The following OTUD7B variants were observed in gnomAD, a reference collection of about 807,000 sequenced individuals.
OTUD7B encodes OTU deubiquitinase 7B.
Under a neutral mutation model 82.2 loss-of-function variants are expected in OTUD7B, and 34 were observed. The ratio of observed to expected loss-of-function variants is 0.41; its 90% CI spans 0.31 to 0.55. The LOEUF (loss-of-function observed/expected upper bound fraction) is 0.55, where lower values mean the gene tolerates loss of function less well. OTUD7B is among the 20% of genes least tolerant of loss of function. OTUD7B has a pLI of 0.20. For missense variants in OTUD7B, 944 were observed against 1,062.1 expected, an observed-to-expected ratio of 0.89 and a Z score of 1.55; for synonymous variants, 398 against 402.7, an observed-to-expected ratio of 0.99 and a Z score of 0.14.
chr1:150,017,327 T>C, the OTUD7B span, among the ~76,000 whole-genome samples: 1 of 152,038 alleles, frequency 6.6e-6, no homozygotes, highest in Non-Finnish European at 1.5e-5. Context: ...GAGAGCTGGG[T>C]TAAGAGATTA....
chr1:150,015,322 C>G (rs1653235289), upstream of OTUD7B, among the ~76,000 whole-genome samples: 1 of 115,430 alleles, frequency 8.7e-6, no homozygotes, highest in South Asian at 2.7e-4. Flanking sequence ...GAGATGGAGT[C>G]TGGCTCTGTC....
At chr1:149,951,000 GT>G (rs1301491296) in intron 7 of OTUD7B, among the ~76,000 whole-genome samples, 2,828 of 70,370 alleles carry the variant, frequency 0.04, 1,146 homozygotes, top group African/African-American at 0.14. Flanking sequence ...TTTTTTTTTT[GT>G]AGATGGAGTC....
chr1:150,057,726 C>G, the OTUD7B span, among the ~76,000 whole-genome samples: 24 of 152,148 alleles, frequency 1.6e-4, no homozygotes, highest in Non-Finnish European at 3.2e-4. Context: ...GGTTCTGTGT[C>G]TTGATACTCT....
chr1:150,022,703 A>T, the OTUD7B span, among the ~76,000 whole-genome samples: 2 of 152,206 alleles, frequency 1.3e-5, no homozygotes, highest in African/African-American at 4.8e-5. Flanking sequence ...CACTACAACA[A>T]GTGGAAGTTT....
the OTUD7B span, among the ~76,000 whole-genome samples, chr1:150,032,664 AGAG>A: frequency 6.7e-6 from 1 of 148,484 alleles, no homozygotes; most frequent in African/African-American, 2.4e-5. Flanking sequence ...AAGAGGAAGA[AGAG>A]GAGGAAGAGG....
the OTUD7B span, among the ~76,000 whole-genome samples, chr1:150,064,463 C>A: frequency 1.3e-5 from 2 of 152,010 alleles, no homozygotes; most frequent in Non-Finnish European, 2.9e-5. Flanking sequence ...CCTCGATTTC[C>A]AGGGCTCAAG....
chr1:150,027,546 C>T, the OTUD7B span, among the ~76,000 whole-genome samples: 254 of 152,068 alleles, frequency 1.7e-3, no homozygotes, highest in Non-Finnish European at 2.5e-3. Context: ...GAGATCAGGC[C>T]GCTGCACTCC....
At chr1:150,041,436 G>A in the OTUD7B span, among the ~76,000 whole-genome samples, 12 of 152,198 alleles carry the variant, frequency 7.9e-5, no homozygotes, top group African/African-American at 2.4e-4. Flanking sequence ...GCGTTCAAGC[G>A]ATTCTCATGC....
chr1:150,064,604 A>G, the OTUD7B span, among the ~76,000 whole-genome samples: 1 of 152,088 alleles, frequency 6.6e-6, no homozygotes, highest in African/African-American at 2.4e-5. Flanking sequence ...CCTGGGCTCA[A>G]GCAATCCTCC....
chr1:150,014,076 G>GTGTATATATA (rs1653196543), upstream of OTUD7B, among the ~76,000 whole-genome samples: 1 of 28,806 alleles, frequency 3.5e-5, no homozygotes, highest in Admixed American at 4.6e-4. Flanking sequence ...GTGTGTGTGT[G>GTGTATATATA]TGTGTGTGTA....
chr1:149,945,642 C>T (rs1224770665), intron 11 of OTUD7B, among the ~76,000 whole-genome samples: 6 of 152,148 alleles, frequency 3.9e-5, no homozygotes, highest in Non-Finnish European at 7.3e-5. Context: ...TCAGAGCCCA[C>T]TGAATTAGGA....
intron 4 of OTUD7B, 52 bp downstream of exon 4, chr1:149,967,242 C>T (rs1391576010): frequency 1.5e-6 from 2 of 1,322,916 alleles, no homozygotes; most frequent in Middle Eastern, 1.9e-4. Context: ...CACAAGGCTG[C>T]CTGTAGGTGG....
At chr1:149,990,991 C>CA (rs782744105) in intron 1 of OTUD7B, among the ~76,000 whole-genome samples, 144,569 of 146,716 alleles carry the variant, frequency 0.99, 71,229 homozygotes, top group East Asian at 1. Flanking sequence ...AACTCCGTCG[C>CA]AAAAAAAAAA....
Position 149,938,483 on chromosome 1 carries a change from A to AAAG in OTUD7B, c.*5373_*5374insCTT, listed in dbSNP as rs1296913338. On this transcript the variant is annotated 3_prime_UTR_variant, in exon 12 of 12. Transcript: ENST00000581312. ...CGCAAAAAAAAAAAAAAAAAAAAAG[A>AAAG]CATAGGAAGAGGTGTGTACCATAAC... 0.75 allele frequency: 61,557 copies of AAAG among 82,470 alleles called. 28,856 individuals carry two copies. The highest frequency in any genetic ancestry group is 0.78 in the Non-Finnish European group (37,153 of 47,380). The allele number at this position is 82,470 out of a possible 1,614,324, so 5.1% of individuals were successfully genotyped here.
intron 6 of OTUD7B, chr1:149,962,238 T>C (rs1553775774): frequency 6.6e-6 from 1 of 152,200 alleles, no homozygotes; most frequent in Non-Finnish European, 1.5e-5. Flanking sequence ...GGTGTACAAC[T>C]TCTAGCCTTA....
chr1:150,062,568 T>C, the OTUD7B span, among the ~76,000 whole-genome samples: 2 of 152,234 alleles, frequency 1.3e-5, no homozygotes, highest in East Asian at 3.8e-4. Flanking sequence ...CATTCTATTT[T>C]ATATATCAGA....
At chr1:150,050,589 A>G in the OTUD7B span, 2 of 152,218 alleles carry the variant, frequency 1.3e-5, no homozygotes, top group African/African-American at 4.8e-5. Flanking sequence ...TCTTTAAGAA[A>G]TGAAAAAATA....
chr1:150,034,629 C>T, the OTUD7B span, among the ~76,000 whole-genome samples: 2 of 152,146 alleles, frequency 1.3e-5, no homozygotes, highest in Non-Finnish European at 2.9e-5. Flanking sequence ...AGCAGCTCAA[C>T]CCTCTGGCAT....
At chr1:149,963,983 G>A (rs1377067488) in intron 6 of OTUD7B, 2 of 411,096 alleles carry the variant, frequency 4.9e-6, no homozygotes, top group Non-Finnish European at 8.7e-6. Flanking sequence ...CACCTACTGG[G>A]GGAAAAGCAC....
Sources: gnomAD v4.1 joint callset for allele counts (sites outside exome capture counted in the v4.1 genomes callset) on GRCh38, gnomAD v4.1.1 for gene constraint, MANE v1.5 for transcripts, NCBI Gene and HGNC (gene_info 2026-07-23, HGNC 2026-07-21) for gene names.